Variants in DNM3 observed in about 807,000 individuals in gnomAD.
DNM3 encodes dynamin-3.
Under a neutral mutation model 101.6 loss-of-function variants are expected in DNM3, and 47 were observed. The ratio of observed to expected loss-of-function variants is 0.46; its 90% CI spans 0.37 to 0.59. DNM3 has a LOEUF of 0.59. Among genes scored for constraint, DNM3 ranks in the 20% least tolerant of loss-of-function variants. The pLI is 0.00. For synonymous variants in DNM3, 385 were observed against 387.9 expected, an observed-to-expected ratio of 0.99 and a Z score of 0.09; for missense variants, 849 against 1,085.7, an observed-to-expected ratio of 0.78 and a Z score of 3.06.
At chr1:172,088,370 C>CT (rs2053676966) in intron 12 of DNM3, among the ~76,000 whole-genome samples, 1 of 152,108 alleles carries the variant, frequency 6.6e-6, no homozygotes, top group Non-Finnish European at 1.5e-5. Flanking sequence ...GGGCTGACTG[C>CT]TTCCTGTCTT....
chr1:172,268,274 T>TAAAAAAA (rs369755878), intron 15 of DNM3, among the ~76,000 whole-genome samples: 1 of 136,624 alleles, frequency 7.3e-6, no homozygotes, highest in African/African-American at 2.7e-5. Flanking sequence ...AGCAAGTCAG[T>TAAAAAAA]AAAAAAAAAA....
chr1:172,074,794 G>A (rs1330586051), intron 11 of DNM3, among the ~76,000 whole-genome samples: 2 of 152,102 alleles, frequency 1.3e-5, no homozygotes, highest in Middle Eastern at 3.2e-3. Flanking sequence ...ATGTGTCTTT[G>A]TAGTAGAATG....
intron 4 of DNM3, among the ~76,000 whole-genome samples, chr1:172,030,288 C>T (rs951770842): frequency 2.6e-5 from 4 of 152,048 alleles, no homozygotes; most frequent in Admixed American, 6.6e-5. Context: ...ACAAACCTGA[C>T]AAAAACAAGC....
chr1:172,170,162 A>G (rs573986910), intron 14 of DNM3, among the ~76,000 whole-genome samples: 39 of 152,016 alleles, frequency 2.6e-4, no homozygotes, highest in Admixed American at 1.3e-3. Context: ...GTTTTGTTCT[A>G]TTTATGTTTT....
At chr1:172,166,528 A>G (rs577123435) in intron 14 of DNM3, among the ~76,000 whole-genome samples, 1 of 152,196 alleles carries the variant, frequency 6.6e-6, no homozygotes, top group East Asian at 1.9e-4. Flanking sequence ...ATCTCTAGCT[A>G]TAGGTATCAA....
chr1:171,924,669 A>T (rs990405022), intron 2 of DNM3, among the ~76,000 whole-genome samples: 1 of 152,176 alleles, frequency 6.6e-6, no homozygotes, highest in Admixed American at 6.5e-5. Context: ...CTCCCTTGAC[A>T]TGTGGGGATT....
chr1:171,921,271 G>T (rs139727284), intron 1 of DNM3, among the ~76,000 whole-genome samples: 40 of 152,156 alleles, frequency 2.6e-4, no homozygotes, highest in African/African-American at 7.9e-4. Flanking sequence ...TTGGAGAAAA[G>T]TGTCAGTATA....
intron 14 of DNM3, among the ~76,000 whole-genome samples, chr1:172,136,055 C>T (rs767324505): frequency 9.2e-5 from 14 of 151,954 alleles, no homozygotes; most frequent in Non-Finnish European, 1.9e-4. Flanking sequence ...GCAACATAGG[C>T]GTTTCCAGTG....
intron 2 of DNM3, among the ~76,000 whole-genome samples, chr1:171,926,105 C>A (rs935293260): frequency 3.3e-5 from 5 of 152,094 alleles, no homozygotes; most frequent in African/African-American, 1.2e-4. Context: ...GTTACTATAG[C>A]CTTGTATAGT....
At chr1:171,916,501 A>G (rs2039719556) in intron 1 of DNM3, among the ~76,000 whole-genome samples, 1 of 152,182 alleles carries the variant, frequency 6.6e-6, no homozygotes. Flanking sequence ...GAGATTCATC[A>G]GAAGGAGGGG....
chr1:172,223,843 C>T (rs2061002833), intron 14 of DNM3, among the ~76,000 whole-genome samples: 2 of 152,132 alleles, frequency 1.3e-5, no homozygotes, highest in Admixed American at 1.3e-4. Context: ...TAGCTCTCAT[C>T]AATCACTTCC....
At chr1:171,975,525 T>C (rs2044306902) in intron 2 of DNM3, among the ~76,000 whole-genome samples, 1 of 152,190 alleles carries the variant, frequency 6.6e-6, no homozygotes, top group African/African-American at 2.4e-5. Context: ...CACTCCAAGT[T>C]ATAAGAATCT....
At chr1:172,016,264 A>G (rs181376496) in intron 4 of DNM3, among the ~76,000 whole-genome samples, 18 of 152,072 alleles carry the variant, frequency 1.2e-4, no homozygotes, top group Non-Finnish European at 2.2e-4. Flanking sequence ...TATCAAGTTG[A>G]GAAAGTTACC....
At chr1:172,290,858 G>T (rs1017342100) in intron 15 of DNM3, among the ~76,000 whole-genome samples, 3 of 152,120 alleles carry the variant, frequency 2.0e-5, no homozygotes, top group Non-Finnish European at 4.4e-5. Flanking sequence ...GAATTTAAAG[G>T]CCTTTAAGAG....
chr1:172,305,328 A>G (rs1380994096), intron 15 of DNM3, among the ~76,000 whole-genome samples: 14 of 152,228 alleles, frequency 9.2e-5, no homozygotes, highest in Admixed American at 9.2e-4. Context: ...CTAAGACTAA[A>G]CAAGGAAGAA....
chr1:172,313,855 G>A lies in DNM3; in HGVS notation c.1881+5016G>A, dbSNP rs907087985. Among the ~76,000 whole-genome samples, 6 of 152,156 alleles carry A rather than the reference G, an allele frequency of 3.9e-5. No homozygotes were observed. The South Asian group carries it at 1.2e-3, about 32-fold the overall frequency. ...ATACATGTGCAGAATGTGCAGGTTT[G>A]TTACATAGGTATACGTGTGCCATGG... On this transcript the variant is annotated intron_variant, in intron 16 of 20. Transcript: ENST00000627582.
At chr1:172,258,462 A>G (rs2062509948) in intron 15 of DNM3, among the ~76,000 whole-genome samples, 2 of 151,860 alleles carry the variant, frequency 1.3e-5, no homozygotes, top group Non-Finnish European at 2.9e-5. Context: ...TGGTTGGTTC[A>G]GGTTTTTTAT....
chr1:172,196,307 T>C (rs78994032), intron 14 of DNM3, among the ~76,000 whole-genome samples: 1,759 of 152,054 alleles, frequency 0.012, 39 homozygotes, highest in African/African-American at 0.04. Flanking sequence ...TCATTTGTCA[T>C]TGACAGGCCT....
chr1:172,386,807 G>T, intron 18 of DNM3: 1 of 260,184 alleles, frequency 3.8e-6, no homozygotes, highest in Non-Finnish European at 7.5e-6. Context: ...TCTTCTATAA[G>T]CCAAACAGCT....
Sources: allele counts gnomAD v4.1 joint callset (sites outside exome capture counted in the v4.1 genomes callset), GRCh38; gene constraint gnomAD v4.1.1; transcripts MANE v1.5; gene names NCBI Gene and HGNC (gene_info 2026-07-23, HGNC 2026-07-21).